The following ATXN7L1 variants were observed in gnomAD, a reference collection of about 807,000 sequenced individuals.
ATXN7L1 encodes the protein ataxin-7-like protein 1.
In ATXN7L1, 15 loss-of-function variants were observed where a neutral mutation model predicts 70.8. The ratio of observed to expected loss-of-function variants is 0.21; its 90% CI spans 0.14 to 0.33. ATXN7L1 has a LOEUF of 0.33. Ranked by LOEUF, ATXN7L1 falls within the 10% of genes least tolerant of loss-of-function variation. The pLI is 1.00. For synonymous variants in ATXN7L1, 440 were observed against 445.1 expected (o/e 0.99, Z 0.14); for missense variants, 975 against 1,097.1 (o/e 0.89, Z 1.57).
intron 3 of ATXN7L1, among the ~76,000 whole-genome samples, chr7:105,785,137 C>T (rs1804104961): frequency 6.6e-6 from 1 of 152,220 alleles, no homozygotes; most frequent in Admixed American, 6.5e-5. Context: ...AACATTAACA[C>T]CCATGTCACA....
In ATXN7L1 at chr7:105,763,843, T is replaced by TG. The variant is rs1429239248; in HGVS notation, c.355+24760_355+24761insC. ...ACATGGGGCAAAATGTAGTTTTTTT[T>TG]TTGTTGTTGTTGTTTGTTTGCTTTT... On this transcript the variant is annotated intron_variant, in intron 3 of 11. Transcript: ENST00000419735. Among the ~76,000 whole-genome samples the TG allele has an allele frequency of 9.9e-5, 15 of 151,960 alleles. 1 individual carries two copies. Among genetic ancestry groups the TG allele is most frequent in the Admixed American group, 2.6e-4 (4 of 15,234 alleles).
intron 7 of ATXN7L1, among the ~76,000 whole-genome samples, chr7:105,633,653 G>C (rs1282239406): frequency 2.6e-5 from 4 of 152,136 alleles, no homozygotes; most frequent in Non-Finnish European, 5.9e-5. Context: ...CCGTGAGGTG[G>C]AGGTTGCCAT....
intron 3 of ATXN7L1, among the ~76,000 whole-genome samples, chr7:105,781,411 T>A (rs963707414): frequency 5.3e-5 from 8 of 152,180 alleles, no homozygotes; most frequent in African/African-American, 1.2e-4. Flanking sequence ...TAATAAAAAA[T>A]TTTTTTCCAG....
intron 3 of ATXN7L1, among the ~76,000 whole-genome samples, chr7:105,756,918 G>GT (rs550762452): frequency 9.2e-5 from 14 of 152,052 alleles, no homozygotes; most frequent in African/African-American, 2.9e-4. Flanking sequence ...GTAGATGGGA[G>GT]TTTTTTTTAA....
chr7:105,729,254 C>T (rs968978811), intron 3 of ATXN7L1, among the ~76,000 whole-genome samples: 1 of 150,514 alleles, frequency 6.6e-6, no homozygotes, highest in African/African-American at 2.4e-5. Context: ...CTGGGTGACA[C>T]AATGAGACTC....
At chr7:105,807,384 A>G (rs1807767774) in intron 2 of ATXN7L1, among the ~76,000 whole-genome samples, 1 of 152,172 alleles carries the variant, frequency 6.6e-6, no homozygotes, top group African/African-American at 2.4e-5. Context: ...GCCTCAAAAG[A>G]GCCTTTCATT....
chr7:105,846,114 C>G (rs930715952), intron 2 of ATXN7L1, among the ~76,000 whole-genome samples: 1 of 151,836 alleles, frequency 6.6e-6, no homozygotes, highest in Non-Finnish European at 1.5e-5. Context: ...AAAGACAACC[C>G]ACAGAAGGGA....
chr7:105,819,518 T>G (rs1809754514), intron 2 of ATXN7L1: 1 of 1,325,030 alleles, frequency 7.5e-7, no homozygotes, highest in Middle Eastern at 1.9e-4. Context: ...TCCTGGTGCT[T>G]GATGGTCGAG....
chr7:105,614,988 G>A lies in ATXN7L1; in HGVS notation c.1518-172C>T, dbSNP rs191234022. ...ATCTGAAGCATGGCCCCTCCTTATG[G>A]CACCCCCCATTGCAACATCCAGCAA... On this transcript the variant is annotated intron_variant, in intron 9 of 11. Coordinates refer to ENST00000419735, the MANE Select transcript of ATXN7L1 (RefSeq NM_020725.2). The surrounding 1 kb of genome is among the most constrained non-coding windows in gnomAD (Gnocchi z 4.3). Among the ~76,000 whole-genome samples, 12 of 152,104 alleles carry A rather than the reference G, an allele frequency of 7.9e-5. No individual in the cohort carries two copies. The highest frequency in any genetic ancestry group is 2.9e-4 in the African/African-American group (12 of 41,476).
At chr7:105,613,679 C>A (rs763820738) in intron 10 of ATXN7L1, 183 bp downstream of exon 10, 12 of 1,456,440 alleles carry the variant, frequency 8.2e-6, no homozygotes, top group Non-Finnish European at 1.1e-5. Flanking sequence ...ACATAGTGAG[C>A]GTGGTATCAA....
At chr7:105,747,313 C>T (rs1203887894) in intron 3 of ATXN7L1, among the ~76,000 whole-genome samples, 1 of 152,094 alleles carries the variant, frequency 6.6e-6, no homozygotes, top group African/African-American at 2.4e-5. Context: ...ATGAAGCCTC[C>T]ATAAAAACCC....
At chr7:105,796,129 C>T (rs1488984224) in intron 2 of ATXN7L1, among the ~76,000 whole-genome samples, 2 of 152,140 alleles carry the variant, frequency 1.3e-5, no homozygotes, top group Non-Finnish European at 2.9e-5. Flanking sequence ...CTTTGGGAGG[C>T]CGAGGCGGGC....
intron 3 of ATXN7L1, among the ~76,000 whole-genome samples, chr7:105,692,419 T>TTCCC (rs1413712743): frequency 2.1e-4 from 26 of 122,794 alleles, no homozygotes; most frequent in African/African-American, 7.1e-4. Context: ...CCTTCCTTCC[T>TTCCC]TCCTTCCTCC....
At chr7:105,754,022 G>T (rs937296902) in intron 3 of ATXN7L1, among the ~76,000 whole-genome samples, 18 of 152,156 alleles carry the variant, frequency 1.2e-4, no homozygotes, top group Non-Finnish European at 8.8e-5. Flanking sequence ...TCTCTGTAAG[G>T]TGGGAATTAC....
intron 3 of ATXN7L1, among the ~76,000 whole-genome samples, chr7:105,759,372 G>C (rs543715476): frequency 6.6e-6 from 1 of 151,796 alleles, no homozygotes; most frequent in East Asian, 1.9e-4. Flanking sequence ...AGCTTGATCA[G>C]GGCCCAGCAG....
chr7:105,747,545 T>C (rs1798721517), intron 3 of ATXN7L1, among the ~76,000 whole-genome samples: 1 of 152,212 alleles, frequency 6.6e-6, no homozygotes, highest in African/African-American at 2.4e-5. Context: ...TGTGTTTCCC[T>C]GAGTTCTGTG....
At position 105,665,256 on chromosome 7, in the gene ATXN7L1, G is replaced by C. The variant is rs758332065; in HGVS notation, c.388C>G (p.Pro130Ala). ...TTGGAGGCTGGAGACACTGGAGAGG[G>C]AGAAGGTCTACACATTGAACCGTGT... ...RRHGSMCRPSPSPVSPASNPR... is the reference protein window; with the variant it reads ...RRHGSMCRPSASPVSPASNPR... Residue 130 changes from proline (P) to alanine (A), a missense_variant, in exon 4 of 12, where the codon CCC (proline) becomes GCC (alanine). By Grantham distance (27) the Pro-to-Ala change is conservative (BLOSUM62 -1). Transcript: ENST00000419735. 35 of 1,551,584 alleles carry C rather than the reference G, an allele frequency of 2.3e-5. No homozygotes were observed. The Middle Eastern group carries it at 5.0e-4, about 22-fold the overall frequency.
chr7:105,755,780 T>C (rs994752203), intron 3 of ATXN7L1, among the ~76,000 whole-genome samples: 1 of 152,168 alleles, frequency 6.6e-6, no homozygotes, highest in Non-Finnish European at 1.5e-5. Flanking sequence ...CTGAGTAGAC[T>C]CATTAAAAGA....
intron 2 of ATXN7L1, chr7:105,819,848 T>A: frequency 4.9e-6 from 3 of 612,734 alleles, no homozygotes; most frequent in South Asian, 4.2e-5. Flanking sequence ...CGGATGGTGG[T>A]TCCTGCTGCC....
Sources: gnomAD v4.1 joint callset for allele counts (sites outside exome capture counted in the v4.1 genomes callset) on GRCh38, gnomAD v4.1.1 for gene constraint, Gnocchi (gnomAD v3.1) non-coding constraint, MANE v1.5 for transcripts, NCBI Gene and HGNC (gene_info 2026-07-23, HGNC 2026-07-21) for gene names.